CAPS2: variants seen among roughly 807,000 people sequenced by gnomAD.
The protein encoded by CAPS2 is calcyphosine 2.
Under a neutral mutation model 86.5 loss-of-function variants are expected in CAPS2, and 98 were observed. The observed-to-expected ratio is 1.13, with a 90% CI of 0.96 to 1.34. CAPS2 has a LOEUF of 1.34. Ranked by LOEUF, CAPS2 falls within the 40% of genes most tolerant of loss-of-function variation. CAPS2 has a pLI of 0.00. For synonymous variants in CAPS2, 210 were observed against 225.1 expected (o/e 0.93, Z 0.60); for missense variants, 729 against 686.8 (o/e 1.06, Z -0.69).
chr12:75,331,212 T>C (rs112878657), upstream of CAPS2, among the ~76,000 whole-genome samples: 1,643 of 152,296 alleles, frequency 0.011, 20 homozygotes, highest in African/African-American at 0.032. Context: ...TTTCCTAAAT[T>C]ACACAGCCAA....
downstream of CAPS2, chr12:75,276,342 A>T (rs991022220): frequency 1.4e-6 from 2 of 1,464,910 alleles, no homozygotes; most frequent in Non-Finnish European, 1.8e-6. Context: ...ATCTGCAGTA[A>T]ACATAGCCTA....
intron 1 of CAPS2, among the ~76,000 whole-genome samples, chr12:75,374,368 G>C (rs566944698): frequency 2.6e-5 from 4 of 152,294 alleles, no homozygotes; most frequent in African/African-American, 9.6e-5. Flanking sequence ...GGCCCTCTAA[G>C]CATTGTGCCT....
chr12:75,276,435 T>C, downstream of CAPS2: 1 of 981,108 alleles, frequency 1.0e-6, no homozygotes, highest in Non-Finnish European at 1.2e-6. Context: ...TAAGATATGA[T>C]CTACAGCTGT....
intron 7 of CAPS2, among the ~76,000 whole-genome samples, chr12:75,308,889 C>T (rs1055252910): frequency 1.0e-4 from 12 of 115,826 alleles, no homozygotes; most frequent in Admixed American, 8.2e-4. Context: ...GGCGACAGAG[C>T]GAGACTCGGT....
chr12:75,314,767 G>C (rs958470192), intron 6 of CAPS2, among the ~76,000 whole-genome samples: 1 of 152,038 alleles, frequency 6.6e-6, no homozygotes, highest in Admixed American at 6.6e-5. Flanking sequence ...TAACACCATA[G>C]AGCCCATGCA....
chr12:75,349,786 T>C (rs2139422230), intron 1 of CAPS2, among the ~76,000 whole-genome samples: 1 of 152,252 alleles, frequency 6.6e-6, no homozygotes, highest in South Asian at 2.1e-4. Flanking sequence ...TGAGCCATGA[T>C]TGCCTTGAGA....
Position 75,326,407 on chromosome 12 carries a change from A to C in CAPS2, c.81+11T>G, listed in dbSNP as rs1412651689. 1 of 1,157,466 alleles carries C rather than the reference A, an allele frequency of 8.6e-7. No individual in the cohort carries two copies. Among genetic ancestry groups the C allele is most frequent in the Non-Finnish European group, 1.3e-6 (1 of 797,302 alleles). 71.7% of individuals were successfully genotyped at this position (1,157,466 alleles called of 1,614,324 possible). A position where few individuals can be genotyped will look rare whatever the true frequency, so the allele number is the denominator to read the frequency against. On this transcript the variant is annotated intron_variant, in intron 1 of 16. Transcript: ENST00000393284. Reference sequence around the variant, plus strand: ...ATCCTGAAAGAAGAAAATTATATAGAGCTCACATACTTGTAGAGGCTTCTT... The same window carrying C: ...ATCCTGAAAGAAGAAAATTATATAGCGCTCACATACTTGTAGAGGCTTCTT...
chr12:75,356,712 T>A (rs1270006223), intron 1 of CAPS2, among the ~76,000 whole-genome samples: 1 of 152,174 alleles, frequency 6.6e-6, no homozygotes, highest in Non-Finnish European at 1.5e-5. Context: ...TAATGTTAAA[T>A]TTAAATGGTA....
intron 5 of CAPS2, among the ~76,000 whole-genome samples, chr12:75,317,209 C>T (rs2039861290): frequency 6.6e-6 from 1 of 152,076 alleles, no homozygotes; most frequent in Non-Finnish European, 1.5e-5. Flanking sequence ...ATTTTTATTG[C>T]TGTATCGCTG....
At chr12:75,277,126 T>C, downstream of CAPS2, 1 of 983,286 alleles carries the variant, frequency 1.0e-6, no homozygotes, top group Non-Finnish European at 1.2e-6. Context: ...AATAACCACA[T>C]GTGAATGCTT....
upstream of CAPS2, among the ~76,000 whole-genome samples, chr12:75,327,111 T>C (rs2040857143): frequency 6.6e-6 from 1 of 152,190 alleles, no homozygotes; most frequent in Admixed American, 6.5e-5. Context: ...TCCAGAACTA[T>C]AAAATAATAA....
At chr12:75,283,540 G>A (rs890253114) in intron 15 of CAPS2, among the ~76,000 whole-genome samples, 4 of 152,078 alleles carry the variant, frequency 2.6e-5, no homozygotes, top group East Asian at 1.9e-4. Flanking sequence ...GGCCAGGCAC[G>A]GTGGCTCATG....
At chr12:75,330,698 A>G (rs761372580), upstream of CAPS2, among the ~76,000 whole-genome samples, 2 of 152,030 alleles carry the variant, frequency 1.3e-5, no homozygotes, top group African/African-American at 4.8e-5. Flanking sequence ...ATGTATGTGT[A>G]TTTGTGTGTG....
chr12:75,364,306 C>T (rs1267521483), intron 1 of CAPS2, among the ~76,000 whole-genome samples: 1 of 152,202 alleles, frequency 6.6e-6, no homozygotes, highest in Non-Finnish European at 1.5e-5. Flanking sequence ...GAGGTCCATT[C>T]AGATGGTTGG....
intron 7 of CAPS2, 57 bp from the exon 8 acceptor site, chr12:75,304,933 T>C (rs1217223189): frequency 6.4e-6 from 10 of 1,554,854 alleles, no homozygotes; most frequent in Non-Finnish European, 8.7e-6. Flanking sequence ...TACTTTAAAA[T>C]TCACATATTT....
chr12:75,303,667 C>G (rs1458821607), intron 8 of CAPS2, among the ~76,000 whole-genome samples: 1 of 152,206 alleles, frequency 6.6e-6, no homozygotes, highest in African/African-American at 2.4e-5. Context: ...ACGACCTCCT[C>G]TGGCCCAACA....
At chr12:75,296,571 C>T (rs947363824) in intron 11 of CAPS2, among the ~76,000 whole-genome samples, 12 of 152,164 alleles carry the variant, frequency 7.9e-5, no homozygotes, top group African/African-American at 1.4e-4. Context: ...GGATTACAGG[C>T]GTGAGCCACC....
At chr12:75,330,083 A>C, upstream of CAPS2, 1 of 397,374 alleles carries the variant, frequency 2.5e-6, no homozygotes, top group Non-Finnish European at 4.5e-6. Flanking sequence ...CAGGCGCCGC[A>C]GCGCAGGGCT....
chr12:75,343,891 G>C (rs766464437), intron 1 of CAPS2: 4 of 1,611,720 alleles, frequency 2.5e-6, no homozygotes, highest in South Asian at 1.1e-5. Flanking sequence ...CCAATTTTAT[G>C]ATTTTGATAG....
Sources: allele counts gnomAD v4.1 joint callset (sites outside exome capture counted in the v4.1 genomes callset), GRCh38; gene constraint gnomAD v4.1.1; transcripts MANE v1.5; gene names NCBI Gene and HGNC (gene_info 2026-07-23, HGNC 2026-07-21).